The following LARGE1 variants were observed in gnomAD, a reference collection of about 807,000 sequenced individuals.
LARGE1 encodes the protein LARGE xylosyl- and glucuronyltransferase 1.
LARGE1 carries 43 observed loss-of-function variants against 87.6 expected under a neutral mutation model. The observed-to-expected ratio is 0.49, with a 90% CI of 0.38 to 0.63. The LOEUF is 0.63. LARGE1 is among the 30% of genes least tolerant of loss of function. The pLI is 0.00. For missense variants in LARGE1, 802 were observed against 1,000.2 expected, an observed-to-expected ratio of 0.80 and a Z score of 2.67; for synonymous variants, 434 against 394.6, an observed-to-expected ratio of 1.10 and a Z score of -1.18.
At chr22:33,147,449 T>C in the LARGE1 span, among the ~76,000 whole-genome samples, 1 of 152,152 alleles carries the variant, frequency 6.6e-6, no homozygotes, top group Non-Finnish European at 1.5e-5. Context: ...TTTTGGTGAG[T>C]TTATAGAGTA....
At chr22:33,794,328 C>T (rs1301527431) in intron 1 of LARGE1, among the ~76,000 whole-genome samples, 1 of 152,214 alleles carries the variant, frequency 6.6e-6, no homozygotes, top group African/African-American at 2.4e-5. Flanking sequence ...ATCGCCCAGA[C>T]ACCACCAATC....
chr22:33,236,548 A>G (rs573173154), intron 11 of LARGE1, among the ~76,000 whole-genome samples: 1 of 152,198 alleles, frequency 6.6e-6, no homozygotes, highest in Non-Finnish European at 1.5e-5. Context: ...GGTTAGTATT[A>G]CAGCTTACAC....
At chr22:33,545,893 A>G (rs553348958) in intron 6 of LARGE1, among the ~76,000 whole-genome samples, 29 of 152,268 alleles carry the variant, frequency 1.9e-4, no homozygotes, top group Admixed American at 1.3e-3. Context: ...CTGGACACCC[A>G]TTTTAACCCT....
chr22:33,147,456 A>G, the LARGE1 span, among the ~76,000 whole-genome samples: 1 of 152,208 alleles, frequency 6.6e-6, no homozygotes, highest in Non-Finnish European at 1.5e-5. Context: ...GAGTTTATAG[A>G]GTATAATTAC....
intron 2 of LARGE1, among the ~76,000 whole-genome samples, chr22:33,680,289 T>C (rs1475247619): frequency 2.0e-5 from 3 of 152,172 alleles, no homozygotes; most frequent in African/African-American, 2.4e-5. Context: ...AATCAGTCCA[T>C]GATCTACGCC....
chr22:33,504,758 T>G (rs2070683474), intron 6 of LARGE1, among the ~76,000 whole-genome samples: 1 of 152,176 alleles, frequency 6.6e-6, no homozygotes, highest in Non-Finnish European at 1.5e-5. Context: ...AAATATTTCA[T>G]AGGAAGCATT....
At chr22:33,120,088 A>G in the LARGE1 span, among the ~76,000 whole-genome samples, 24 of 152,270 alleles carry the variant, frequency 1.6e-4, no homozygotes, top group East Asian at 3.1e-3. Flanking sequence ...AAATTAGTAA[A>G]TATATTGACT....
intron 1 of LARGE1, among the ~76,000 whole-genome samples, chr22:33,866,877 G>C (rs1386836347): frequency 6.6e-6 from 1 of 152,074 alleles, no homozygotes; most frequent in Non-Finnish European, 1.5e-5. Flanking sequence ...AGGCACCAGA[G>C]ACATAGAAAT....
intron 4 of LARGE1, among the ~76,000 whole-genome samples, chr22:33,615,949 A>AT (rs2079569044): frequency 6.6e-6 from 1 of 152,188 alleles, no homozygotes; most frequent in South Asian, 2.1e-4. Context: ...AGGGAAATGC[A>AT]TATCAAAACC....
the LARGE1 span, chr22:33,109,228 A>T: frequency 6.6e-6 from 1 of 152,054 alleles, no homozygotes; most frequent in East Asian, 1.9e-4. Flanking sequence ...CCATCTAACA[A>T]GCCAGGTTTG....
At chr22:33,898,333 T>C (rs562313862) in intron 1 of LARGE1, among the ~76,000 whole-genome samples, 1 of 152,312 alleles carries the variant, frequency 6.6e-6, no homozygotes, top group African/African-American at 2.4e-5. Context: ...ATCCCATTGG[T>C]CCACATCCCT....
chr22:33,411,783 T>C (rs1176345885), intron 7 of LARGE1, among the ~76,000 whole-genome samples: 1 of 152,184 alleles, frequency 6.6e-6, no homozygotes, highest in Admixed American at 6.5e-5. Context: ...AGCACCTCCA[T>C]CAAATGGCAA....
At position 33,337,756 on chromosome 22, in the gene LARGE1, G is replaced by A. The variant is rs946361206; in HGVS notation, c.1177C>T (p.His393Tyr). ...TAGAGGTTGCGAAAAAACTCCACAT[G>A]CTTGTTCTTCACCCGGAGCTTCTTG... ...SPKKLRVKNK[H>Y]VEFFRNLYLT... The change falls in exon 10 of 15, where the codon CAT becomes TAT. Residue 393 changes from histidine (H) to tyrosine (Y), a missense_variant. By Grantham distance (83) the His-to-Tyr change is moderately conservative. Coordinates refer to ENST00000397394, the MANE Select transcript of LARGE1 (RefSeq NM_133642.5). 1 of 1,614,080 alleles carries A rather than the reference G, an allele frequency of 6.2e-7. No individual in the cohort carries two copies. Among genetic ancestry groups the A allele is most frequent in the African/African-American group, 1.3e-5 (1 of 74,946 alleles).
chr22:33,341,011 T>A (rs1024444289), intron 9 of LARGE1, among the ~76,000 whole-genome samples: 3 of 148,814 alleles, frequency 2.0e-5, no homozygotes, highest in African/African-American at 7.8e-5. Context: ...TACTCTCTCC[T>A]CCTGTGGGGG....
At chr22:33,106,132 G>C in the LARGE1 span, 1 of 152,358 alleles carries the variant, frequency 6.6e-6, no homozygotes, top group South Asian at 2.1e-4. Flanking sequence ...GTGGAGAAAG[G>C]AATTCCGACG....
At chr22:33,735,403 C>A (rs759133645) in intron 2 of LARGE1, among the ~76,000 whole-genome samples, 1 of 152,328 alleles carries the variant, frequency 6.6e-6, no homozygotes, top group Admixed American at 6.5e-5. Flanking sequence ...GAAATGCACA[C>A]CTTAATAAAC....
At chr22:33,456,104 C>T (rs891944783) in intron 6 of LARGE1, among the ~76,000 whole-genome samples, 3 of 152,228 alleles carry the variant, frequency 2.0e-5, no homozygotes, top group Non-Finnish European at 4.4e-5. Context: ...ACGTTGGAAA[C>T]AAGCAACAAG....
At chr22:33,177,897 A>C (rs149632523) in intron 11 of LARGE1, among the ~76,000 whole-genome samples, 1 of 152,160 alleles carries the variant, frequency 6.6e-6, no homozygotes, top group African/African-American at 2.4e-5. Flanking sequence ...CGTGGTAGTC[A>C]GTGAGTTCTC....
At chr22:33,203,934 A>T (rs1275397026) in intron 11 of LARGE1, among the ~76,000 whole-genome samples, 1 of 152,028 alleles carries the variant, frequency 6.6e-6, no homozygotes, top group Non-Finnish European at 1.5e-5. Flanking sequence ...ACATTTCCAT[A>T]CTTTTCTCCC....
Sources: allele counts gnomAD v4.1 joint callset (sites outside exome capture counted in the v4.1 genomes callset), GRCh38; gene constraint gnomAD v4.1.1; transcripts MANE v1.5; gene names NCBI Gene and HGNC (gene_info 2026-07-23, HGNC 2026-07-21).